CCDC14: variants seen among roughly 807,000 people sequenced by gnomAD.
CCDC14 encodes coiled-coil domain containing 14.
Under a neutral mutation model 81.4 loss-of-function variants are expected in CCDC14, and 71 were observed. That is an observed-to-expected ratio of 0.87 (90% CI 0.72 to 1.06). CCDC14 has a LOEUF of 1.06. Among genes scored for constraint, CCDC14 ranks in the 50% least tolerant of loss-of-function variants. The probability of loss-of-function intolerance (pLI) is 0.00; values close to 1 mark genes in which losing one functional copy is unlikely to be tolerated. For missense variants in CCDC14, 1,046 were observed against 1,047.3 expected (o/e 1.00, Z 0.02); for synonymous variants, 332 against 364.8 (o/e 0.91, Z 1.03).
chr3:123,885,681 T>C, the CCDC14 span, among the ~76,000 whole-genome samples: 2 of 152,150 alleles, frequency 1.3e-5, no homozygotes, highest in Non-Finnish European at 2.9e-5. Flanking sequence ...TTGATGTCTT[T>C]TGTAAGATTA....
intron 12 of CCDC14, among the ~76,000 whole-genome samples, chr3:123,923,776 C>G (rs763702255): frequency 6.6e-6 from 1 of 150,612 alleles, no homozygotes; most frequent in African/African-American, 2.4e-5. Flanking sequence ...CTATGAAACA[C>G]TGATAAAATA....
At chr3:123,935,034 C>T (rs531994125) in intron 9 of CCDC14, among the ~76,000 whole-genome samples, 7 of 152,136 alleles carry the variant, frequency 4.6e-5, no homozygotes, top group Admixed American at 2.0e-4. Flanking sequence ...AAGAAAATAC[C>T]TGCACATATG....
intron 12 of CCDC14, among the ~76,000 whole-genome samples, chr3:123,920,090 T>C (rs964339981): frequency 1.3e-5 from 2 of 152,034 alleles, no homozygotes; most frequent in African/African-American, 2.4e-5. Context: ...CAAATAGATA[T>C]CTTAGAGATA....
At chr3:123,915,800 A>G in intron 12 of CCDC14, 82 bp from the exon 13 acceptor site, 1 of 1,085,870 alleles carries the variant, frequency 9.2e-7, no homozygotes, top group Non-Finnish European at 1.3e-6. Context: ...ATCTTTAAAA[A>G]AAGGATTTGA....
At chr3:123,952,634 T>C (rs374368971) in intron 5 of CCDC14, 4 of 529,112 alleles carry the variant, frequency 7.6e-6, no homozygotes, top group South Asian at 2.8e-5. Flanking sequence ...AGGCATTCAA[T>C]GATCATATCA....
At chr3:123,938,142 A>C (rs1289898332) in intron 9 of CCDC14, among the ~76,000 whole-genome samples, 1 of 151,862 alleles carries the variant, frequency 6.6e-6, no homozygotes, top group Non-Finnish European at 1.5e-5. Flanking sequence ...TGTAAACTTT[A>C]GAATCAGCTT....
At chr3:123,929,105 C>T (rs1028854062) in intron 12 of CCDC14, among the ~76,000 whole-genome samples, 2 of 152,132 alleles carry the variant, frequency 1.3e-5, no homozygotes, top group South Asian at 2.1e-4. Flanking sequence ...CTACATCCTC[C>T]GCTTCATCGG....
intron 5 of CCDC14, among the ~76,000 whole-genome samples, chr3:123,951,008 C>T (rs62263718): frequency 0.043 from 6,615 of 152,164 alleles, 185 homozygotes; most frequent in Non-Finnish European, 0.064. Context: ...ATATCAGATG[C>T]TTCCCTTTTG....
chr3:123,924,977 AC>A (rs1363219941), intron 12 of CCDC14, among the ~76,000 whole-genome samples: 4 of 151,282 alleles, frequency 2.6e-5, no homozygotes, highest in African/African-American at 9.7e-5. Context: ...ACACACACAC[AC>A]ATCTATCTAT....
Position 123,961,136 on chromosome 3 carries a change from G to C in CCDC14, c.30+8C>G, listed in dbSNP as rs1256849733. On this transcript the variant is annotated splice_region_variant and intron_variant, in intron 1 of 12. Coordinates refer to ENST00000409697, the MANE Select transcript of CCDC14 (RefSeq NM_001366335.1). ...CCACAGCGGACTCCTCAGGTCCTCA[G>C]CCCTCACCTGGCCCGGTCGAGCTCC... The C allele has an allele frequency of 1.3e-6, 2 of 1,550,948 alleles. No individual in the cohort carries two copies. Among genetic ancestry groups the C allele is most frequent in the South Asian group, 2.4e-5 (2 of 84,022 alleles).
chr3:123,901,557 TA>T (rs968194518), intron 5 of CCDC14, among the ~76,000 whole-genome samples: 2 of 151,934 alleles, frequency 1.3e-5, no homozygotes, highest in Non-Finnish European at 2.9e-5. Context: ...CATTTAAATG[TA>T]AAAAAAATTT....
intron 9 of CCDC14, among the ~76,000 whole-genome samples, chr3:123,942,290 C>A (rs1429896103): frequency 1.3e-5 from 2 of 152,018 alleles, no homozygotes; most frequent in African/African-American, 4.8e-5. Context: ...AGAGGTGACA[C>A]ATATCGAGGA....
chr3:123,908,089 G>C (rs968922068), intron 5 of CCDC14, among the ~76,000 whole-genome samples: 1 of 151,952 alleles, frequency 6.6e-6, no homozygotes, highest in African/African-American at 2.4e-5. Flanking sequence ...ATTAAAATAA[G>C]AAGAAAAATA....
chr3:123,899,430 T>C (rs1306222102), intron 5 of CCDC14, among the ~76,000 whole-genome samples: 2 of 152,216 alleles, frequency 1.3e-5, no homozygotes, highest in Non-Finnish European at 2.9e-5. Context: ...GGACTTCACC[T>C]GGAATTCATG....
At chr3:123,945,059 C>T in intron 8 of CCDC14, 69 bp from the exon 9 acceptor site, 9 of 1,000,226 alleles carry the variant, frequency 9.0e-6, no homozygotes, top group Non-Finnish European at 1.3e-5. Flanking sequence ...GTATGTATTA[C>T]TAAAAAAGAA....
chr3:123,897,488 G>T, downstream of CCDC14: 2 of 344,978 alleles, frequency 5.8e-6, no homozygotes, highest in Non-Finnish European at 9.7e-6. Context: ...GTGGGTGCTG[G>T]GGCCAGGACT....
chr3:123,895,353 C>T (rs759088548), downstream of CCDC14, among the ~76,000 whole-genome samples: 8 of 152,086 alleles, frequency 5.3e-5, no homozygotes, highest in Admixed American at 5.2e-4. Context: ...AAGGAAAAGA[C>T]AGTAAGATGT....
At chr3:123,948,536 C>G (rs747924260) in intron 7 of CCDC14, among the ~76,000 whole-genome samples, 155 bp downstream of exon 7, 1 of 152,088 alleles carries the variant, frequency 6.6e-6, no homozygotes, top group Non-Finnish European at 1.5e-5. Flanking sequence ...CCACGGCGCT[C>G]GGCCATAAAC....
rs143107061 is a variant in CCDC14 at position 123,947,293 on chromosome 3, C to A, written c.711G>T (p.Gln237His). 22 of 1,610,910 alleles carry A rather than the reference C, an allele frequency of 1.4e-5. No individual in the cohort carries two copies. The highest frequency in any genetic ancestry group is 6.7e-5 in the Admixed American group (4 of 59,922). The change falls in exon 8 of 13, where the codon CAG becomes CAT. Residue 237 changes from glutamine (Q) to histidine (H), a missense_variant. Physicochemically the swap from Gln to His is conservative, Grantham distance 24. Coordinates refer to ENST00000409697, the MANE Select transcript of CCDC14 (RefSeq NM_001366335.1). ...AAACTGTTTTACCTTGTGATGCAAACTGACTGTTGCCATCAGTTTGAACTT... is the reference window on the plus strand; with the variant it reads ...AAACTGTTTTACCTTGTGATGCAAAATGACTGTTGCCATCAGTTTGAACTT... ...HSEVQTDGNS[Q>H]FASQGKTVSA...
Sources: gnomAD v4.1 joint callset for allele counts (sites outside exome capture counted in the v4.1 genomes callset) on GRCh38, gnomAD v4.1.1 for gene constraint, MANE v1.5 for transcripts, NCBI Gene and HGNC (gene_info 2026-07-23, HGNC 2026-07-21) for gene names.